The following UPF2 variants were observed in gnomAD, a reference collection of about 807,000 sequenced individuals.
The protein encoded by UPF2 is UPF2 regulator of nonsense mediated mRNA decay, also known as regulator of nonsense transcripts 2.
Under a neutral mutation model 141.4 loss-of-function variants are expected in UPF2, and 17 were observed. The observed-to-expected ratio is 0.12, with a 90% confidence interval of 0.08 to 0.18. The LOEUF (loss-of-function observed/expected upper bound fraction) is 0.18. Ranked by LOEUF, UPF2 falls within the 10% of genes least tolerant of loss-of-function variation. The pLI, the probability that UPF2 is intolerant of heterozygous loss-of-function variation, is 1.00. For synonymous variants in UPF2, 540 were observed against 498.0 expected, an observed-to-expected ratio of 1.08 and a Z score of -1.12; for missense variants, 1,152 against 1,515.9, an observed-to-expected ratio of 0.76 and a Z score of 3.99.
chr10:11,936,086 G>C lies in UPF2; in HGVS notation c.3546+459C>G, dbSNP rs1832845788. 6.6e-6 allele frequency among the ~76,000 whole-genome samples: 1 copy of C among 152,120 alleles called. No individual in the cohort carries two copies. Among genetic ancestry groups the C allele is most frequent in the Non-Finnish European group, 1.5e-5 (1 of 68,010 alleles). ...AACATGTATGATTTAAAACACATAA[G>C]GGGCCAAGTGCAGTTGCTCACGCCT... On this transcript the variant is annotated intron_variant, in intron 19 of 21. Coordinates refer to ENST00000357604, the MANE Select transcript of UPF2 (RefSeq NM_015542.4). This position sits in a 1 kb window ranked among gnomAD's most constrained non-coding sequence, Gnocchi z 6.6.
At chr10:11,963,958 C>T (rs1833279008) in intron 11 of UPF2, 51 bp downstream of exon 11, 1 of 1,323,260 alleles carries the variant, frequency 7.6e-7, no homozygotes, top group African/African-American at 1.5e-5. Flanking sequence ...ACCTCTGAAG[C>T]ACAGGTAAAT....
rs141541732 is a variant in UPF2, at chr10:11,958,441, C to T, written c.2370+730G>A. Among the ~76,000 whole-genome samples, 236 of 152,310 alleles carry T rather than the reference C, an allele frequency of 1.5e-3. 1 individual carries two copies. The highest frequency in any genetic ancestry group is 5.2e-3 in the African/African-American group (218 of 41,568). ...TGGTATGAGAACTCGTTTAGCCATT[C>T]TATACTTTTCAAACTTTTAGCCAAT... On this transcript the variant is annotated intron_variant, in intron 12 of 21. Coordinates refer to ENST00000357604, the MANE Select transcript of UPF2 (RefSeq NM_015542.4).
chr10:11,967,058 G>C (rs1182375482), intron 10 of UPF2, among the ~76,000 whole-genome samples: 1 of 151,980 alleles, frequency 6.6e-6, no homozygotes, highest in Non-Finnish European at 1.5e-5. Flanking sequence ...CTCTGTTGTA[G>C]ATGGCTCCTA....
chr10:12,035,456 G>T lies in UPF2; in HGVS notation c.-18-15C>A, dbSNP rs1294111514. On this transcript the variant is annotated splice_polypyrimidine_tract_variant and intron_variant, in intron 1 of 21. Transcript: ENST00000357604. Reference sequence around the variant, plus strand: ...CCCAGGACAATCTGTAAGAGGGAAAGAATGTCAGTACCATAGATGCAGTGA... The same window carrying T: ...CCCAGGACAATCTGTAAGAGGGAAATAATGTCAGTACCATAGATGCAGTGA... 1 of 1,508,338 alleles carries T rather than the reference G, an allele frequency of 6.6e-7. No individual in the cohort carries two copies. Among genetic ancestry groups the T allele is most frequent in the Admixed American group, 2.5e-5 (1 of 39,498 alleles). 93.4% of individuals were successfully genotyped at this position (1,508,338 alleles called of 1,614,324 possible). A position where few individuals can be genotyped will look rare whatever the true frequency, so the allele number is the denominator to read the frequency against.
chr10:12,013,141 A>G (rs1351829631), intron 4 of UPF2, among the ~76,000 whole-genome samples: 1 of 151,658 alleles, frequency 6.6e-6, no homozygotes, highest in East Asian at 1.9e-4. Flanking sequence ...AAAAAAGTGT[A>G]AGAATTATGT....
chr10:12,025,531 A>G (rs115657433), intron 3 of UPF2, among the ~76,000 whole-genome samples: 52 of 150,038 alleles, frequency 3.5e-4, no homozygotes, highest in African/African-American at 1.2e-3. Flanking sequence ...AGCCTGGGAG[A>G]CAGTAAGACT....
chr10:12,036,107 C>G (rs77288594), intron 1 of UPF2, among the ~76,000 whole-genome samples: 1 of 152,104 alleles, frequency 6.6e-6, no homozygotes. Flanking sequence ...ACCTAAAATC[C>G]GTATGTTCTG....
chr10:11,940,535 T>A lies in UPF2; in HGVS notation c.3378+2130A>T, dbSNP rs556311377. Among the ~76,000 whole-genome samples the A allele has an allele frequency of 9.4e-3, 1,432 of 152,322 alleles. 22 individuals are homozygous for A. The highest frequency in any genetic ancestry group is 0.032 in the African/African-American group (1,348 of 41,556). On this transcript the variant is annotated intron_variant, in intron 18 of 21. Coordinates refer to ENST00000357604, the MANE Select transcript of UPF2 (RefSeq NM_015542.4). This position sits in a 1 kb window ranked among gnomAD's most constrained non-coding sequence, Gnocchi z 4.2. ...GTGGACACGGCCAAAGGGAAACTTTTGCTCATTGGTCCCTTGTTTCCTGTC... is the reference window on the plus strand; with the variant it reads ...GTGGACACGGCCAAAGGGAAACTTTAGCTCATTGGTCCCTTGTTTCCTGTC...
chr10:12,004,168 G>T (rs754593588), intron 5 of UPF2, among the ~76,000 whole-genome samples: 1 of 152,042 alleles, frequency 6.6e-6, no homozygotes, highest in Non-Finnish European at 1.5e-5. Flanking sequence ...GTTCTATCTA[G>T]CCTAGAAAGG....
chr10:11,921,049 A>G lies in UPF2; in HGVS notation c.*249T>C, dbSNP rs1045202685. 1 of 728,380 alleles carries G rather than the reference A, an allele frequency of 1.4e-6. No homozygotes were observed. Among genetic ancestry groups the G allele is most frequent in the Non-Finnish European group, 2.6e-6 (1 of 385,502 alleles). 45.1% of individuals were successfully genotyped at this position (728,380 alleles called of 1,614,324 possible). On this transcript the variant is annotated 3_prime_UTR_variant, in exon 22 of 22. Transcript: ENST00000357604. This position sits in a 1 kb window ranked among gnomAD's most constrained non-coding sequence, Gnocchi z 5.9. ...TCATTTCTTGACTGCCATTCTCAAG[A>G]GAAGATTAACCCTCGCGAGATTTCC...
intron 19 of UPF2, among the ~76,000 whole-genome samples, chr10:11,934,628 C>T (rs546253409): frequency 5.9e-5 from 9 of 152,316 alleles, no homozygotes; most frequent in South Asian, 2.1e-4. Context: ...CTCGTTCTGT[C>T]GCCCAGGCTG....
At chr10:11,990,330 A>G (rs1327929710) in intron 8 of UPF2, among the ~76,000 whole-genome samples, 1 of 152,246 alleles carries the variant, frequency 6.6e-6, no homozygotes, top group Non-Finnish European at 1.5e-5. Flanking sequence ...AAGGCAGGGC[A>G]AAGACTAAGC....
chr10:12,024,330 G>A (rs1372543712), intron 3 of UPF2, among the ~76,000 whole-genome samples: 1 of 151,878 alleles, frequency 6.6e-6, no homozygotes, highest in Admixed American at 6.6e-5. Flanking sequence ...GGGATGGGGG[G>A]TGGGCACAGT....
intron 21 of UPF2, among the ~76,000 whole-genome samples, chr10:11,928,436 G>A (rs1207187241): frequency 6.6e-6 from 1 of 151,940 alleles, no homozygotes; most frequent in African/African-American, 2.4e-5. Context: ...GAGGCCGGGC[G>A]CAGTGGCTCA....
At chr10:12,000,721 A>C (rs12356548) in intron 6 of UPF2, among the ~76,000 whole-genome samples, 25,512 of 152,122 alleles carry the variant, frequency 0.17, 2,437 homozygotes, top group South Asian at 0.27. Context: ...CAGGAGGATG[A>C]CTTGAGCTCG....
At position 11,967,370 on chromosome 10, in the gene UPF2, T is replaced by C; in HGVS notation, c.2038A>G (p.Thr680Ala). The C allele has an allele frequency of 1.9e-6, 3 of 1,584,184 alleles. No individual in the cohort carries two copies. Among genetic ancestry groups the C allele is most frequent in the Non-Finnish European group, 8.5e-7 (1 of 1,169,614 alleles). Residue 680 changes from threonine to alanine, a missense_variant, in exon 10 of 22, where the codon ACC becomes GCC. Thr to Ala is a moderately conservative substitution (Grantham distance 58). Transcript: ENST00000357604. ...IGELTKFKMFTKNDTLHCLKM... is the reference protein window; with the variant it reads ...IGELTKFKMFAKNDTLHCLKM... ...AAACAATGCAGTGTGTCATTTTTGG[T>C]GAACATCTTAAACTTAGTTAGTTCT...
intron 16 of UPF2, among the ~76,000 whole-genome samples, chr10:11,946,744 AC>A (rs1833005278): frequency 6.6e-6 from 1 of 151,878 alleles, no homozygotes; most frequent in South Asian, 2.1e-4. Context: ...ATTTTGATCG[AC>A]TTTTTTTTTC....
rs190607394 is a variant in UPF2, at chr10:11,975,569, C to T, written c.1953+3488G>A. 1.1e-4 allele frequency among the ~76,000 whole-genome samples: 17 copies of T among 152,174 alleles called. No homozygotes were observed. In the South Asian group the frequency reaches 1.7e-3, roughly 15 times the overall value. On this transcript the variant is annotated intron_variant, in intron 9 of 21. Transcript: ENST00000357604. ...TGTTGCCCAGGCTGGAGTGCAGTGG[C>T]GCAATCTCAGCTCACTGCAACCTCC...
chr10:11,958,945 C>T (rs1307139855), intron 12 of UPF2, among the ~76,000 whole-genome samples: 1 of 152,068 alleles, frequency 6.6e-6, no homozygotes, highest in African/African-American at 2.4e-5. Flanking sequence ...TCAAAATTTA[C>T]TAGAGTTACT....
Sources: allele counts gnomAD v4.1 joint callset (sites outside exome capture counted in the v4.1 genomes callset), GRCh38; gene constraint gnomAD v4.1.1; non-coding constraint Gnocchi (gnomAD v3.1); transcripts MANE v1.5; gene names NCBI Gene and HGNC (gene_info 2026-07-23, HGNC 2026-07-21).